The following TMX3 variants were observed in gnomAD, a reference collection of about 807,000 sequenced individuals.
The protein encoded by TMX3 is protein disulfide-isomerase TMX3.
A neutral mutation model predicts 64.4 loss-of-function variants in TMX3; 40 were observed. The ratio of observed to expected loss-of-function variants is 0.62; its 90% CI spans 0.48 to 0.81. The LOEUF is 0.81. Ranked by LOEUF, TMX3 falls within the 30% of genes least tolerant of loss-of-function variation. TMX3 has a pLI of 0.00. For missense variants in TMX3, 497 were observed against 534.5 expected, an observed-to-expected ratio of 0.93 and a Z score of 0.69; for synonymous variants, 189 against 175.7, an observed-to-expected ratio of 1.08 and a Z score of -0.60.
intron 6 of TMX3, among the ~76,000 whole-genome samples, 199 bp downstream of exon 6, chr18:68,700,206 G>A (rs897908136): frequency 6.6e-6 from 1 of 152,060 alleles, no homozygotes; most frequent in Non-Finnish European, 1.5e-5. Flanking sequence ...TAACAAGTAT[G>A]TAATACAAAC....
At position 68,673,845 on chromosome 18, in the gene TMX3, C is replaced by T. The variant is rs1318662726; in HGVS notation, c.*3088G>A. 1.3e-5 allele frequency: 2 copies of T among 152,076 alleles called. No homozygotes were observed. Among genetic ancestry groups the T allele is most frequent in the Non-Finnish European group, 2.9e-5 (2 of 68,016 alleles). 9.4% of individuals were successfully genotyped at this position (152,076 alleles called of 1,614,324 possible). A position where few individuals can be genotyped will look rare whatever the true frequency, so the allele number is the denominator to read the frequency against. On this transcript the variant is annotated 3_prime_UTR_variant, in exon 16 of 16. Coordinates refer to ENST00000299608, the MANE Select transcript of TMX3 (RefSeq NM_019022.5). ...ATTATTTTTTGCCCACTCTTGGACT[C>T]AGACACATTCAGAAAAAATATATAT...
At chr18:68,701,296 G>T (rs142200302) in intron 5 of TMX3, among the ~76,000 whole-genome samples, 1 of 152,138 alleles carries the variant, frequency 6.6e-6, no homozygotes, top group African/African-American at 2.4e-5. Flanking sequence ...TAAGATTAAT[G>T]AAAATCATGA....
chr18:68,680,576 T>A (rs1243765311), intron 14 of TMX3, among the ~76,000 whole-genome samples: 1 of 152,124 alleles, frequency 6.6e-6, no homozygotes, highest in African/African-American at 2.4e-5. Flanking sequence ...AGAAAACCAA[T>A]CCTAACGACT....
intron 3 of TMX3, among the ~76,000 whole-genome samples, 188 bp downstream of exon 3, chr18:68,711,176 C>T (rs373354196): frequency 2.0e-5 from 3 of 152,042 alleles, no homozygotes; most frequent in Admixed American, 2.0e-4. Context: ...TACGTTCCCT[C>T]GCATGGAACC....
At position 68,674,917 on chromosome 18, in the gene TMX3, T is replaced by C. The variant is rs1912802369; in HGVS notation, c.*2016A>G. 1.3e-5 allele frequency: 2 copies of C among 152,108 alleles called. No individual in the cohort carries two copies. Among genetic ancestry groups the C allele is most frequent in the Admixed American group, 6.6e-5 (1 of 15,260 alleles). The allele number at this position is 152,108 out of a possible 1,614,324, so 9.4% of individuals were successfully genotyped here. A position where few individuals can be genotyped will look rare whatever the true frequency, so the allele number is the denominator to read the frequency against. On this transcript the variant is annotated 3_prime_UTR_variant, in exon 16 of 16. Coordinates refer to ENST00000299608, the MANE Select transcript of TMX3 (RefSeq NM_019022.5). The stretch of plus-strand genomic sequence containing the variant: ...TTCATTTATAAACAACATCACAGAA[T>C]ATAAACGAAGATCATATTTTGTGGA...
chr18:68,701,054 A>G, intron 5 of TMX3: 1 of 971,670 alleles, frequency 1.0e-6, no homozygotes, highest in Non-Finnish European at 1.2e-6. Flanking sequence ...GCACAACAGA[A>G]TACCTACAAT....
At position 68,711,323 on chromosome 18, in the gene TMX3, G is replaced by C. The variant is rs775261251; in HGVS notation, c.141+41C>G. 2.0e-6 allele frequency: 3 copies of C among 1,489,250 alleles called. No individual in the cohort carries two copies. In the Admixed American group the frequency reaches 5.7e-5, roughly 28 times the overall value. The allele number at this position is 1,489,250 out of a possible 1,614,324, so 92.3% of individuals were successfully genotyped here. A position where few individuals can be genotyped will look rare whatever the true frequency, so the allele number is the denominator to read the frequency against. ...TAGAATAGAAAATAATACTTAAAAT[G>C]GTAGGGGTGGGTAATTAGCATATAA... On this transcript the variant is annotated intron_variant, in intron 3 of 15. Transcript: ENST00000299608.
At chr18:68,683,081 TG>T in intron 12 of TMX3, 100 bp from the exon 13 acceptor site, 1 of 1,143,510 alleles carries the variant, frequency 8.7e-7, no homozygotes, top group Non-Finnish European at 1.3e-6. Flanking sequence ...AATAAAACAA[TG>T]AAGTTAAATT....
At chr18:68,681,918 A>C (rs309211) in intron 13 of TMX3, among the ~76,000 whole-genome samples, 20,203 of 152,074 alleles carry the variant, frequency 0.13, 4,025 homozygotes, top group African/African-American at 0.43. Flanking sequence ...CATACTTGCT[A>C]TTATGTTCTG....
rs1005448699 is a variant in TMX3 at position 68,675,485 on chromosome 18, G to A, written c.*1448C>T. 7.2e-5 allele frequency: 11 copies of A among 152,020 alleles called. No individual in the cohort carries two copies. Among genetic ancestry groups the A allele is most frequent in the African/African-American group, 2.4e-4 (10 of 41,420 alleles). 9.4% of individuals were successfully genotyped at this position (152,020 alleles called of 1,614,324 possible). On this transcript the variant is annotated 3_prime_UTR_variant, in exon 16 of 16. Coordinates refer to ENST00000299608, the MANE Select transcript of TMX3 (RefSeq NM_019022.5). ...GTGTCCATACAGTCTTGATTAGTAC[G>A]GCATTAGAAACAACAGAGGGCTGTC...
intron 2 of TMX3, among the ~76,000 whole-genome samples, chr18:68,713,176 T>C (rs1004437792): frequency 2.0e-5 from 3 of 152,078 alleles, no homozygotes; most frequent in Non-Finnish European, 2.9e-5. Flanking sequence ...AGAAAAGGAC[T>C]AGAGTAGAAA....
intron 4 of TMX3, among the ~76,000 whole-genome samples, chr18:68,704,028 C>T (rs770427962): frequency 1.3e-5 from 2 of 152,048 alleles, no homozygotes; most frequent in African/African-American, 4.8e-5. Context: ...CTTCATTTAT[C>T]GCCTATGTAA....
intron 6 of TMX3, among the ~76,000 whole-genome samples, chr18:68,699,614 A>G (rs887868469): frequency 3.9e-5 from 6 of 152,202 alleles, no homozygotes; most frequent in African/African-American, 9.6e-5. Flanking sequence ...AGCTATCAGT[A>G]TAATATATCC....
Position 68,714,598 on chromosome 18 carries a change from T to C in TMX3, c.46+338A>G, listed in dbSNP as rs2031715245. 3.3e-5 allele frequency among the ~76,000 whole-genome samples: 5 copies of C among 151,898 alleles called. No homozygotes were observed. The South Asian group carries it at 1.0e-3, about 31-fold the overall frequency. On this transcript the variant is annotated intron_variant, in intron 1 of 15. Coordinates refer to ENST00000299608, the MANE Select transcript of TMX3 (RefSeq NM_019022.5). ...TCGGAACCTAAAGCCAAGGCAAGAT[T>C]TGGTCGTTAAGCTGGGACGGCGGCA...
At chr18:68,697,852 T>G in intron 7 of TMX3, 80 bp downstream of exon 7, 1 of 855,038 alleles carries the variant, frequency 1.2e-6, no homozygotes, top group Non-Finnish European at 1.9e-6. Flanking sequence ...TAATAAGTTC[T>G]GCGTTTCTAG....
At chr18:68,698,572 A>T (rs534218248) in intron 6 of TMX3, among the ~76,000 whole-genome samples, 1 of 152,352 alleles carries the variant, frequency 6.6e-6, no homozygotes, top group Admixed American at 6.5e-5. Context: ...TACAGAAAAA[A>T]TAAAATAGAA....
At chr18:68,687,624 A>G in intron 10 of TMX3, 43 bp downstream of exon 10, 1 of 1,558,570 alleles carries the variant, frequency 6.4e-7, no homozygotes, top group South Asian at 1.2e-5. Flanking sequence ...TAATCAAAGA[A>G]AAATCATGTA....
chr18:68,713,695 G>A, intron 2 of TMX3, 151 bp downstream of exon 2: 1 of 379,732 alleles, frequency 2.6e-6, no homozygotes, highest in South Asian at 9.6e-5. Flanking sequence ...ACTCTTCTGG[G>A]CACACCCTCA....
rs1444909741 is a variant in TMX3, at chr18:68,677,205, G to A, written c.1105-12C>T. ...CTCTTGAATATAGACTGTGGAAAGA[G>A]AATTAAAACTCAGTTCCCTTCACAT... On this transcript the variant is annotated splice_polypyrimidine_tract_variant and intron_variant, in intron 15 of 15. Coordinates refer to ENST00000299608, the MANE Select transcript of TMX3 (RefSeq NM_019022.5). 5.6e-6 allele frequency: 9 copies of A among 1,607,350 alleles called. No individual in the cohort carries two copies. Among genetic ancestry groups the A allele is most frequent in the South Asian group, 2.2e-5 (2 of 90,040 alleles).
Sources: allele counts gnomAD v4.1 joint callset (sites outside exome capture counted in the v4.1 genomes callset), GRCh38; gene constraint gnomAD v4.1.1; transcripts MANE v1.5; gene names NCBI Gene and HGNC (gene_info 2026-07-23, HGNC 2026-07-21).